Variants in SGCG observed in about 807,000 individuals in gnomAD.
The protein encoded by SGCG is gamma-sarcoglycan.
SGCG carries 26 observed loss-of-function variants against 29.3 expected under a neutral mutation model. The observed-to-expected ratio is 0.89, with a 90% CI of 0.65 to 1.23. The LOEUF (loss-of-function observed/expected upper bound fraction) is 1.23, where lower values mean the gene tolerates loss of function less well. SGCG is among the 50% of genes most tolerant of loss of function. SGCG has a pLI of 0.00. For synonymous variants in SGCG, 145 were observed against 129.7 expected (o/e 1.12, Z -0.80); for missense variants, 353 against 356.0 (o/e 0.99, Z 0.07).
intron 4 of SGCG, among the ~76,000 whole-genome samples, chr13:23,266,679 T>C (rs1452392359): frequency 6.6e-6 from 1 of 152,202 alleles, no homozygotes; most frequent in East Asian, 1.9e-4. Flanking sequence ...AAACCATTTG[T>C]ACACCTAAAG....
rs1012662776 is a variant in SGCG, at chr13:23,218,255, C to T, written c.195+14366C>T. On this transcript the variant is annotated intron_variant, in intron 2 of 7. Coordinates refer to ENST00000218867, the MANE Select transcript of SGCG (RefSeq NM_000231.3). ...TCATTATACATCTATATTTTGGTCT[C>T]AACTAGCTAGAAAATGGGCTAGAAG... 8.5e-5 allele frequency among the ~76,000 whole-genome samples: 13 copies of T among 152,126 alleles called. 1 individual carries two copies. Among genetic ancestry groups the T allele is most frequent in the Non-Finnish European group, 1.3e-4 (9 of 68,018 alleles).
At chr13:23,279,558 T>C (rs915168856) in intron 5 of SGCG, 80 bp downstream of exon 5, 9 of 1,411,722 alleles carry the variant, frequency 6.4e-6, no homozygotes, top group Admixed American at 3.5e-5. Context: ...GACAAGTTTA[T>C]GTGGAATCTT....
chr13:23,306,766 GA>G (rs1355394024), intron 6 of SGCG, among the ~76,000 whole-genome samples: 3 of 151,928 alleles, frequency 2.0e-5, no homozygotes, highest in South Asian at 2.1e-4. Context: ...CAAGAAAAAG[GA>G]AAAAAATACA....
At chr13:23,236,488 T>C (rs1044231001) in intron 3 of SGCG, among the ~76,000 whole-genome samples, 2 of 152,008 alleles carry the variant, frequency 1.3e-5, no homozygotes, top group Admixed American at 6.6e-5. Context: ...CCATCCTGGC[T>C]AACACAGTGA....
chr13:23,198,114 T>C (rs893828493), intron 1 of SGCG, among the ~76,000 whole-genome samples: 3 of 152,228 alleles, frequency 2.0e-5, no homozygotes, highest in African/African-American at 7.2e-5. Flanking sequence ...ACTCATTCTT[T>C]GAGTTCTTAG....
chr13:23,200,625 G>A lies in SGCG; in HGVS notation c.1-3070G>A, dbSNP rs138990230. 4.2e-3 allele frequency among the ~76,000 whole-genome samples: 633 copies of A among 152,244 alleles called. 5 individuals carry two copies. Among genetic ancestry groups the A allele is most frequent in the African/African-American group, 0.014 (594 of 41,534 alleles). Reference sequence around the variant, plus strand: ...AGGGTGAGCATTTACAATAAAATATGTAGGTAAAATATGTAGTATGCCTGG... The same window carrying A: ...AGGGTGAGCATTTACAATAAAATATATAGGTAAAATATGTAGTATGCCTGG... On this transcript the variant is annotated intron_variant, in intron 1 of 7. Transcript: ENST00000218867.
At chr13:23,244,843 A>T (rs138570407) in intron 3 of SGCG, 72 of 152,216 alleles carry the variant, frequency 4.7e-4, no homozygotes, top group African/African-American at 1.6e-3. Context: ...AAAGGAGGAA[A>T]CATTCCTGAG....
chr13:23,299,227 C>T (rs2766108), intron 6 of SGCG, among the ~76,000 whole-genome samples: 55,530 of 150,698 alleles, frequency 0.37, 10,865 homozygotes, highest in East Asian at 0.79. Context: ...CCCAGCGGAT[C>T]CTTGAGAGAT....
chr13:23,281,623 G>A (rs932615481), intron 5 of SGCG, among the ~76,000 whole-genome samples: 10 of 152,140 alleles, frequency 6.6e-5, no homozygotes, highest in African/African-American at 1.9e-4. Context: ...TGGTTTCATG[G>A]AAGAAAATGT....
At chr13:23,282,877 C>T (rs1021957234) in intron 5 of SGCG, among the ~76,000 whole-genome samples, 7 of 152,138 alleles carry the variant, frequency 4.6e-5, no homozygotes, top group African/African-American at 1.7e-4. Flanking sequence ...CATCCTTAGC[C>T]AGTAGTCATT....
At chr13:23,299,407 C>CATGTGTATAT (rs1161342960) in intron 6 of SGCG, among the ~76,000 whole-genome samples, 6 of 23,922 alleles carry the variant, frequency 2.5e-4, no homozygotes, top group South Asian at 2.5e-3. Flanking sequence ...TCTTAGTTGG[C>CATGTGTATAT]ATATATATAT....
rs140310896 is a variant in SGCG at position 23,203,701 on chromosome 13, C to T, written c.7C>T (p.Arg3Cys). Residue 3 changes from arginine (R) to cysteine (C), a missense_variant, in exon 2 of 8, where the codon CGT (arginine) becomes TGT (cysteine). Coordinates refer to ENST00000218867, the MANE Select transcript of SGCG (RefSeq NM_000231.3). MV[R>C]EQYTTATEGI... ...TGAACACACTCCGTGGCAGATGGTG[C>T]GTGAGCAGTACACTACAGCCACAGA... is the stretch of plus-strand genomic sequence containing the variant. 1.9e-5 allele frequency: 31 copies of T among 1,611,366 alleles called. No homozygotes were observed. Among genetic ancestry groups the T allele is most frequent in the Non-Finnish European group, 2.4e-5 (28 of 1,178,160 alleles).
rs574768626 is a variant in SGCG, at chr13:23,277,925, C to T, written c.386-1434C>T. ...GTGTTAGCCAGGATGGTCTCGATCT[C>T]CTGACCTCATGATCCGCCTGCCTCG... On this transcript the variant is annotated intron_variant, in intron 4 of 7. Coordinates refer to ENST00000218867, the MANE Select transcript of SGCG (RefSeq NM_000231.3). 1.1e-4 allele frequency among the ~76,000 whole-genome samples: 16 copies of T among 152,026 alleles called. 1 individual carries two copies. The East Asian group carries it at 2.4e-3, about 22-fold the overall frequency.
upstream of SGCG, among the ~76,000 whole-genome samples, chr13:23,178,164 A>G (rs1876620111): frequency 1.3e-5 from 2 of 152,144 alleles, no homozygotes; most frequent in African/African-American, 4.8e-5. Context: ...CTAGGTGTGT[A>G]GGATGGGGGC....
In SGCG at chr13:23,180,981, T is replaced by G. The variant is rs1038134233; in HGVS notation, c.-95T>G. On this transcript the variant is annotated 5_prime_UTR_variant, in exon 1 of 8. In the 5' UTR this introduces an upstream ATG that the reference lacks. Coordinates refer to ENST00000218867, the MANE Select transcript of SGCG (RefSeq NM_000231.3). ...CTGAAGCTTCATCCTTTGCTCTCAT[T>G]CTGTAAGTCATAGAAAAGTTTGAAA... 4 of 152,214 alleles carry G rather than the reference T, an allele frequency of 2.6e-5. No homozygotes were observed. Among genetic ancestry groups the G allele is most frequent in the Non-Finnish European group, 5.9e-5 (4 of 68,030 alleles). The allele number at this position is 152,214 out of a possible 1,614,324, so 9.4% of individuals were successfully genotyped here.
chr13:23,286,122 CA>C (rs1208314527), intron 5 of SGCG, among the ~76,000 whole-genome samples: 7 of 152,212 alleles, frequency 4.6e-5, no homozygotes, highest in African/African-American at 1.7e-4. Context: ...GTTCCAATCC[CA>C]GCTGTTCCAT....
At position 23,203,869 on chromosome 13, in the gene SGCG, A is replaced by G. The variant is rs546376689; in HGVS notation, c.175A>G (p.Lys59Glu). Residue 59 changes from lysine to glutamate, a missense_variant, in exon 2 of 8, where the codon AAA (lysine) becomes GAA (glutamate). Transcript: ENST00000218867. ...TTTAGCTCTTACAATTTGGATTCTT[A>G]AAGTGATGTGGTTTTCTCCAGTAAG... Reference protein sequence around the residue: ...VNLALTIWILKVMWFSPAGMG... With the variant: ...VNLALTIWILEVMWFSPAGMG... 2 of 1,612,482 alleles carry G rather than the reference A, an allele frequency of 1.2e-6. No individual in the cohort carries two copies. The highest frequency in any genetic ancestry group is 2.2e-5 in the East Asian group (1 of 44,878).
intron 6 of SGCG, among the ~76,000 whole-genome samples, chr13:23,320,197 A>T (rs1019853924): frequency 1.3e-5 from 2 of 152,218 alleles, no homozygotes; most frequent in Non-Finnish European, 2.9e-5. Context: ...CCAAGCCAGG[A>T]GGACCTCTTG....
At chr13:23,316,012 C>A (rs1882795075) in intron 6 of SGCG, among the ~76,000 whole-genome samples, 1 of 152,178 alleles carries the variant, frequency 6.6e-6, no homozygotes, top group Non-Finnish European at 1.5e-5. Context: ...GTCCCATGAA[C>A]AAAGTGGCCA....
Sources: gnomAD v4.1 joint callset for allele counts (sites outside exome capture counted in the v4.1 genomes callset) on GRCh38, gnomAD v4.1.1 for gene constraint, MANE v1.5 for transcripts, NCBI Gene and HGNC (gene_info 2026-07-23, HGNC 2026-07-21) for gene names.